DGKB: variants seen among roughly 807,000 people sequenced by gnomAD.
The protein encoded by DGKB is 90 kDa diacylglycerol kinase.
In DGKB, 67 loss-of-function variants were observed where a neutral mutation model predicts 114.3. The observed-to-expected ratio is 0.59, with a 90% CI of 0.48 to 0.72. The LOEUF (loss-of-function observed/expected upper bound fraction) is 0.72, where lower values mean the gene tolerates loss of function less well. Ranked by LOEUF, DGKB falls within the 30% of genes least tolerant of loss-of-function variation. The probability of loss-of-function intolerance (pLI) is 0.00; values close to 1 mark genes in which losing one functional copy is unlikely to be tolerated. For synonymous variants in DGKB, 398 were observed against 323.1 expected, an observed-to-expected ratio of 1.23 and a Z score of -2.49; for missense variants, 907 against 975.2, an observed-to-expected ratio of 0.93 and a Z score of 0.93.
intron 2 of DGKB, among the ~76,000 whole-genome samples, chr7:14,760,940 A>T (rs1378358816): frequency 6.6e-6 from 1 of 152,194 alleles, no homozygotes; most frequent in African/African-American, 2.4e-5. Context: ...AGCTAAATTA[A>T]CAGCCAAAAA....
intron 13 of DGKB, among the ~76,000 whole-genome samples, chr7:14,667,618 C>T (rs891424407): frequency 1.4e-4 from 21 of 151,898 alleles, no homozygotes; most frequent in Non-Finnish European, 2.1e-4. Flanking sequence ...TGAGGACTAA[C>T]GATTTGCTTT....
chr7:14,188,301 G>A (rs888891565), intron 23 of DGKB, among the ~76,000 whole-genome samples: 3 of 152,218 alleles, frequency 2.0e-5, no homozygotes, highest in Admixed American at 1.3e-4. Context: ...TTTATTTAAC[G>A]AAATAATAGC....
intron 21 of DGKB, among the ~76,000 whole-genome samples, chr7:14,463,283 A>C (rs1389697985): frequency 1.3e-5 from 2 of 152,074 alleles, no homozygotes; most frequent in Admixed American, 1.3e-4. Context: ...TGGGCATAAT[A>C]CCTAATGTAG....
chr7:14,381,204 G>A (rs899111148), intron 21 of DGKB, among the ~76,000 whole-genome samples: 2 of 152,218 alleles, frequency 1.3e-5, no homozygotes, highest in African/African-American at 2.4e-5. Context: ...CAATAAGGTA[G>A]AGCCTCTTTT....
chr7:14,769,150 AGAGGGAGGGAGGGAAGGGAAG>A (rs1836966803), intron 2 of DGKB, among the ~76,000 whole-genome samples: 1 of 147,304 alleles, frequency 6.8e-6, no homozygotes, highest in Non-Finnish European at 1.5e-5. Context: ...AAAGAAAGAA[AGAGGGAGGGAGGGAAGGGAAG>A]GAAAGAGAAA....
intron 23 of DGKB, among the ~76,000 whole-genome samples, chr7:14,275,227 A>G (rs139822867): frequency 6.6e-6 from 1 of 152,080 alleles, no homozygotes; most frequent in African/African-American, 2.4e-5. Context: ...TTAAATGTGC[A>G]TATCTTCTCA....
At chr7:14,421,410 A>C (rs1398879971) in intron 21 of DGKB, among the ~76,000 whole-genome samples, 1 of 152,072 alleles carries the variant, frequency 6.6e-6, no homozygotes, top group Non-Finnish European at 1.5e-5. Flanking sequence ...TTTTTGAATA[A>C]AATAATGTAT....
intron 20 of DGKB, among the ~76,000 whole-genome samples, chr7:14,562,098 C>T (rs934684898): frequency 2.6e-5 from 4 of 152,210 alleles, no homozygotes; most frequent in African/African-American, 9.7e-5. Context: ...CAAGGTACAG[C>T]TCAGAATGTG....
At chr7:14,211,157 T>C (rs1787715096) in intron 23 of DGKB, among the ~76,000 whole-genome samples, 1 of 152,110 alleles carries the variant, frequency 6.6e-6, no homozygotes, top group Non-Finnish European at 1.5e-5. Flanking sequence ...GACTGTATCA[T>C]ATAAATTGTA....
At chr7:14,175,746 T>G (rs1050798420) in intron 25 of DGKB, among the ~76,000 whole-genome samples, 1 of 152,206 alleles carries the variant, frequency 6.6e-6, no homozygotes, top group African/African-American at 2.4e-5. Flanking sequence ...CTACCTTTTC[T>G]ACTTAAACTC....
intron 13 of DGKB, among the ~76,000 whole-genome samples, chr7:14,653,799 C>CA (rs1473784171): frequency 6.6e-6 from 1 of 151,610 alleles, no homozygotes; most frequent in African/African-American, 2.4e-5. Flanking sequence ...TAATAGAAAC[C>CA]AAAACAAAGC....
rs142327857 is a variant in DGKB, at chr7:14,762,668, T to C, written c.71-4937A>G. On this transcript the variant is annotated intron_variant, in intron 2 of 25. Coordinates refer to ENST00000402815, the MANE Select transcript of DGKB (RefSeq NM_001350709.2). The stretch of plus-strand genomic sequence containing the variant: ...CTCCTTTGTGATTTTCCTGCCTCTT[T>C]GTCTCTTTATTCCAAAAAACTCAAC... Among the ~76,000 whole-genome samples the C allele has an allele frequency of 2.2e-3, 339 of 152,192 alleles. 1 individual carries two copies. Among genetic ancestry groups the C allele is most frequent in the African/African-American group, 7.8e-3 (324 of 41,548 alleles).
At chr7:14,436,923 C>G (rs1396593008) in intron 21 of DGKB, among the ~76,000 whole-genome samples, 1 of 152,002 alleles carries the variant, frequency 6.6e-6, no homozygotes, top group Non-Finnish European at 1.5e-5. Context: ...TTATTAAAAA[C>G]TATATTATAG....
intron 1 of DGKB, among the ~76,000 whole-genome samples, chr7:14,887,226 C>T (rs1780431606): frequency 6.6e-6 from 1 of 151,762 alleles, no homozygotes; most frequent in Non-Finnish European, 1.5e-5. Flanking sequence ...TTTAAAAGGC[C>T]AGCAAAGATC....
intron 21 of DGKB, among the ~76,000 whole-genome samples, chr7:14,425,981 A>G (rs1186602635): frequency 1.3e-5 from 2 of 152,176 alleles, no homozygotes; most frequent in African/African-American, 4.8e-5. Flanking sequence ...AAATGCCACA[A>G]GTATTTAGAG....
At chr7:14,853,197 AC>A (rs1849638357) in intron 1 of DGKB, among the ~76,000 whole-genome samples, 1 of 152,172 alleles carries the variant, frequency 6.6e-6, no homozygotes, top group South Asian at 2.1e-4. Flanking sequence ...GCACTGAGAA[AC>A]AAATAATGCT....
chr7:14,545,528 A>T lies in DGKB; in HGVS notation c.1770+28684T>A, dbSNP rs577667055. ...ATGTATTACGAGATGTCTACATCAG[A>T]TGTGGCCAAAGAGGATAATAAAACA... is the stretch of plus-strand genomic sequence containing the variant. On this transcript the variant is annotated intron_variant, in intron 20 of 25. Coordinates refer to ENST00000402815, the MANE Select transcript of DGKB (RefSeq NM_001350709.2). Among the ~76,000 whole-genome samples the T allele has an allele frequency of 2.6e-5, 4 of 152,352 alleles. No homozygotes were observed. In the South Asian group the frequency reaches 6.2e-4, roughly 24 times the overall value.
At chr7:14,197,047 C>G (rs557752939) in intron 23 of DGKB, among the ~76,000 whole-genome samples, 1 of 152,050 alleles carries the variant, frequency 6.6e-6, no homozygotes, top group African/African-American at 2.4e-5. Context: ...AAGAGAGGTT[C>G]AAATGCAAAC....
chr7:14,507,695 T>C (rs1288665265), intron 20 of DGKB, among the ~76,000 whole-genome samples: 1 of 152,190 alleles, frequency 6.6e-6, no homozygotes, highest in African/African-American at 2.4e-5. Flanking sequence ...CTCATTAGTA[T>C]GCTACGTCTT....
Sources: gnomAD v4.1 joint callset for allele counts (sites outside exome capture counted in the v4.1 genomes callset) on GRCh38, gnomAD v4.1.1 for gene constraint, MANE v1.5 for transcripts, NCBI Gene and HGNC (gene_info 2026-07-23, HGNC 2026-07-21) for gene names.